Variants in STRIP1 observed in about 807,000 individuals in gnomAD.
STRIP1 encodes striatin-interacting protein 1.
Under a neutral mutation model 106.2 loss-of-function variants are expected in STRIP1, and 63 were observed. That is an observed-to-expected ratio of 0.59 (90% CI 0.48 to 0.73). The LOEUF (loss-of-function observed/expected upper bound fraction) is 0.73. Among genes scored for constraint, STRIP1 ranks in the 30% least tolerant of loss-of-function variants. The probability of loss-of-function intolerance (pLI) is 0.00; values close to 1 mark genes in which losing one functional copy is unlikely to be tolerated. For synonymous variants in STRIP1, 390 were observed against 413.0 expected (o/e 0.94, Z 0.67); for missense variants, 857 against 1,074.8 (o/e 0.80, Z 2.83).
Position 110,040,637 on chromosome 1 carries a change from A to G in STRIP1, c.584A>G (p.Asn195Ser). The change falls in exon 6 of 21, where the codon AAC becomes AGC. Residue 195 changes from asparagine to serine, a missense_variant and splice_region_variant. This residue lies in a region of STRIP1 where 750 missense variants were observed against 989.8 expected (regional missense o/e 0.76). Coordinates refer to ENST00000369795, the MANE Select transcript of STRIP1 (RefSeq NM_033088.4). ...CTGACTCTCAAAATCTCCTGCAGCA[A>G]CAGTGCCGCCTGCAGCAGTGCTGTG... ...LVELLNMEID[N>S]SAACSSAVRK... 13 of 1,611,162 alleles carry G rather than the reference A, an allele frequency of 8.1e-6. No individual in the cohort carries two copies. The highest frequency in any genetic ancestry group is 1.0e-5 in the Non-Finnish European group (12 of 1,178,654).
intron 20 of STRIP1, 49 bp downstream of exon 20, chr1:110,051,936 G>A: frequency 6.3e-7 from 1 of 1,591,166 alleles, no homozygotes; most frequent in Non-Finnish European, 8.6e-7. Flanking sequence ...GTCGGGAAAA[G>A]TGACATCTTT....
rs528109444 is a variant in STRIP1 at position 110,040,710 on chromosome 1, C to G, written c.650+7C>G. On this transcript the variant is annotated splice_region_variant and intron_variant, in intron 6 of 20. Transcript: ENST00000369795. ...CTGACAGCACAGACCTCAGGTGAGG[C>G]GAGCAGCAAGCCTGGGCTCCTGAGC... 1.9e-6 allele frequency: 3 copies of G among 1,607,608 alleles called. No individual in the cohort carries two copies. The highest frequency in any genetic ancestry group is 1.7e-4 in the Middle Eastern group (1 of 5,852).
intron 5 of STRIP1, chr1:110,039,825 C>T (rs1347642163): frequency 7.6e-7 from 1 of 1,322,356 alleles, no homozygotes; most frequent in Admixed American, 2.2e-5. Flanking sequence ...AACCTGCAGA[C>T]ACTGCTGTGT....
Position 110,047,595 on chromosome 1 carries a change from C to T in STRIP1, c.1542C>T (p.Leu514=). Residue 514 remains leucine, a synonymous_variant, in exon 14 of 21, where the codon CTC becomes CTT. Coordinates refer to ENST00000369795, the MANE Select transcript of STRIP1 (RefSeq NM_033088.4). ...CAGAAACCCTCTACCAAGGCTTGCT[C>T]CCCAGCCTGCCTCAGTATATGGTGA... ...VPAETLYQGL[L]PSLPQYMIAL... is the part of the protein sequence containing the mutation. 1 of 1,610,904 alleles carries T rather than the reference C, an allele frequency of 6.2e-7. No homozygotes were observed. Among genetic ancestry groups the T allele is most frequent in the Non-Finnish European group, 8.5e-7 (1 of 1,178,552 alleles).
intron 9 of STRIP1, 41 bp downstream of exon 9, chr1:110,043,311 A>T: frequency 6.3e-7 from 1 of 1,588,872 alleles, no homozygotes; most frequent in Non-Finnish European, 8.6e-7. Context: ...GAGGGCCCTC[A>T]AGGTGCATGC....
intron 1 of STRIP1, among the ~76,000 whole-genome samples, chr1:110,036,306 AGCCGGGCGTGGTGGCTGGT>A (rs1352925402): frequency 6.6e-6 from 1 of 152,122 alleles, no homozygotes; most frequent in Non-Finnish European, 1.5e-5. Flanking sequence ...TACAAAAATT[AGCCGGGCGTGGTGGCTGGT>A]GCCTGTAATC....
intron 6 of STRIP1, among the ~76,000 whole-genome samples, chr1:110,040,934 C>CCA (rs1268611710): frequency 1.3e-5 from 2 of 152,192 alleles, no homozygotes; most frequent in African/African-American, 4.8e-5. Context: ...CTTACTAGAG[C>CCA]CACAGCTAAG....
chr1:110,043,857 G>T lies in STRIP1; in HGVS notation c.1286+1G>T, dbSNP rs757371214. ...GGCTCCCGTGGGCTCCCAAGGTCAG[G>T]TGAGTCTCAGACCTCCAGAGCACTC... On this transcript the variant is annotated splice_donor_variant, in intron 10 of 20. Coordinates refer to ENST00000369795, the MANE Select transcript of STRIP1 (RefSeq NM_033088.4). LOFTEE classifies it high-confidence loss of function. The T allele has an allele frequency of 6.2e-7, 1 of 1,613,102 alleles. No homozygotes were observed. The highest frequency in any genetic ancestry group is 8.5e-7 in the Non-Finnish European group (1 of 1,179,490).
At position 110,034,730 on chromosome 1, in the gene STRIP1, A is replaced by G; in HGVS notation, c.93A>G (p.Pro31=). ...CTCCGCCGCCGGCAGCCGCACAGCC[A>G]CCACCCGGGGCACCGCGGGCCGCCG... ...PPPPPPAAAQ[P]PPGAPRAAAG... Residue 31 remains proline (P), a synonymous_variant, in exon 1 of 21, where the codon CCA becomes CCG. Coordinates refer to ENST00000369795, the MANE Select transcript of STRIP1 (RefSeq NM_033088.4). 1 of 1,495,510 alleles carries G rather than the reference A, an allele frequency of 6.7e-7. No individual in the cohort carries two copies. Among genetic ancestry groups the G allele is most frequent in the Non-Finnish European group, 8.9e-7 (1 of 1,126,460 alleles). 92.6% of individuals were successfully genotyped at this position (1,495,510 alleles called of 1,614,324 possible). A position where few individuals can be genotyped will look rare whatever the true frequency, so the allele number is the denominator to read the frequency against.
In STRIP1 at chr1:110,039,474, C is replaced by T; in HGVS notation, c.540C>T (p.Gly180=). 1 of 1,610,844 alleles carries T rather than the reference C, an allele frequency of 6.2e-7. No homozygotes were observed. The change falls in exon 5 of 21, where the codon GGC becomes GGT. Residue 180 remains glycine, a synonymous_variant. Transcript: ENST00000369795. The stretch of plus-strand genomic sequence containing the variant: ...ACATCTTTCTCCTCCTGGAGGTGGG[C>T]ACGTTCAATGCTTTGGTGGAGCTTC... ...RYNIFLLLEV[G]TFNALVELLN...
chr1:110,041,431 T>C lies in STRIP1; in HGVS notation c.651-105T>C, dbSNP rs369673579. 365 of 722,602 alleles carry C rather than the reference T, an allele frequency of 5.1e-4. 5 individuals are homozygous for C. In the South Asian group the frequency reaches 6.1e-3, roughly 12 times the overall value. The allele number at this position is 722,602 out of a possible 1,614,324, so 44.8% of individuals were successfully genotyped here. On this transcript the variant is annotated intron_variant, in intron 6 of 20. Transcript: ENST00000369795. ...TTCATACTCATTTATTCAGATACCA[T>C]TTATTAATAGTAAGCCCCTGCTTTG...
At chr1:110,038,081 T>TATATATATATAC (rs1652554183) in intron 2 of STRIP1, 121 bp downstream of exon 2, 1 of 83,198 alleles carries the variant, frequency 1.2e-5, no homozygotes, top group African/African-American at 4.2e-5. Context: ...AATATATATA[T>TATATATATATAC]ATATATATAT....
At chr1:110,041,414 C>T in intron 6 of STRIP1, 122 bp from the exon 7 acceptor site, 1 of 677,868 alleles carries the variant, frequency 1.5e-6, no homozygotes, top group Non-Finnish European at 2.6e-6. Flanking sequence ...TGTTCATACT[C>T]ATTTATTCAG....
chr1:110,053,150 C>T (rs1283702801), intron 20 of STRIP1, among the ~76,000 whole-genome samples: 2 of 152,212 alleles, frequency 1.3e-5, no homozygotes, highest in African/African-American at 4.8e-5. Flanking sequence ...TCTGCAGGCA[C>T]TCTTCTTTCG....
At position 110,041,177 on chromosome 1, in the gene STRIP1, C is replaced by G. The variant is rs575856361; in HGVS notation, c.651-359C>G. The G allele has an allele frequency of 1.6e-4, 31 of 189,162 alleles. 1 individual carries two copies. In the South Asian group the frequency reaches 3.9e-3, roughly 24 times the overall value. 11.7% of individuals were successfully genotyped at this position (189,162 alleles called of 1,614,324 possible). On this transcript the variant is annotated intron_variant, in intron 6 of 20. Coordinates refer to ENST00000369795, the MANE Select transcript of STRIP1 (RefSeq NM_033088.4). ...AGTTTTTGAGGGTTGAAATCTGGCT[C>G]TTTTTATGAATTTGGAAGTTTTTAG...
Position 110,043,659 on chromosome 1 carries a change from C to T in STRIP1, c.1089C>T (p.Asn363=), listed in dbSNP as rs1336928576. ...TTCAGGCTCTGATAAAGCAGGACAA[C>T]CTAGATGCCTTCAACGAGCGGGATC... is the stretch of plus-strand genomic sequence containing the variant. ...REHKALIKQD[N]LDAFNERDPY... is the part of the protein sequence containing the mutation. The change falls in exon 10 of 21, where the codon AAC becomes AAT. Residue 363 remains asparagine, a synonymous_variant. Transcript: ENST00000369795. 6.2e-7 allele frequency: 1 copy of T among 1,613,860 alleles called. No homozygotes were observed. The highest frequency in any genetic ancestry group is 1.3e-5 in the African/African-American group (1 of 74,922).
At position 110,034,734 on chromosome 1, in the gene STRIP1, C is replaced by T; in HGVS notation, c.97C>T (p.Pro33Ser). 6.7e-7 allele frequency: 1 copy of T among 1,482,878 alleles called. No homozygotes were observed. The highest frequency in any genetic ancestry group is 1.3e-5 in the South Asian group (1 of 76,032). The allele number at this position is 1,482,878 out of a possible 1,614,324, so 91.9% of individuals were successfully genotyped here. The change falls in exon 1 of 21, where the codon CCC becomes TCC. Residue 33 changes from proline (P) to serine (S), a missense_variant. Transcript: ENST00000369795. ...GCCGCCGGCAGCCGCACAGCCACCA[C>T]CCGGGGCACCGCGGGCCGCCGCGGG... ...PPPPAAAQPP[P>S]GAPRAAAGLL...
intron 17 of STRIP1, 45 bp downstream of exon 17, chr1:110,049,605 G>A: frequency 1.5e-6 from 2 of 1,375,904 alleles, no homozygotes; most frequent in Admixed American, 1.8e-5. Context: ...TGGTCAGACG[G>A]CAGAGTTCCC....
intron 6 of STRIP1, 41 bp from the exon 7 acceptor site, chr1:110,041,495 C>T (rs759301386): frequency 5.3e-6 from 8 of 1,503,638 alleles, no homozygotes; most frequent in Non-Finnish European, 7.4e-6. Context: ...CTCCTTTGAC[C>T]CCCCCATCCC....
Sources: gnomAD v4.1 joint callset for allele counts (sites outside exome capture counted in the v4.1 genomes callset) on GRCh38, gnomAD v4.1.1 for gene constraint, gnomAD v4.1.1 regional missense constraint, MANE v1.5 for transcripts, NCBI Gene and HGNC (gene_info 2026-07-23, HGNC 2026-07-21) for gene names.